The following SLC20A2 variants were observed in gnomAD, a reference collection of about 807,000 sequenced individuals.
The protein encoded by SLC20A2 is sodium-dependent phosphate transporter 2.
SLC20A2 carries 30 observed loss-of-function variants against 61.0 expected under a neutral mutation model. That is an observed-to-expected ratio of 0.49 (90% CI 0.37 to 0.67). The LOEUF (loss-of-function observed/expected upper bound fraction) is 0.67. Ranked by LOEUF, SLC20A2 falls within the 30% of genes least tolerant of loss-of-function variation. SLC20A2 has a pLI of 0.00. For synonymous variants in SLC20A2, 351 were observed against 353.3 expected, an observed-to-expected ratio of 0.99 and a Z score of 0.07; for missense variants, 626 against 866.4, an observed-to-expected ratio of 0.72 and a Z score of 3.48.
At chr8:42,418,000 G>A in intron 10 of SLC20A2, 33 bp from the exon 11 acceptor site, 1 of 1,602,390 alleles carries the variant, frequency 6.2e-7, no homozygotes. Context: ...GTAAAAACAG[G>A]TGAGCCACAA....
In SLC20A2 at chr8:42,417,549, C is replaced by A. The variant is rs1022301201; in HGVS notation, c.*254G>T. On this transcript the variant is annotated 3_prime_UTR_variant, in exon 11 of 11. Transcript: ENST00000520262. ...CAATAGATATTTAATATATAAGTAA[C>A]TGCACCACATTATATCACCACGATA... 27 of 299,272 alleles carry A rather than the reference C, an allele frequency of 9.0e-5. No homozygotes were observed. Among genetic ancestry groups the A allele is most frequent in the Admixed American group, 5.9e-4 (14 of 23,716 alleles). The allele number at this position is 299,272 out of a possible 1,614,324, so 18.5% of individuals were successfully genotyped here.
At chr8:42,442,692 T>TG (rs1332271706) in intron 6 of SLC20A2, among the ~76,000 whole-genome samples, 3 of 152,234 alleles carry the variant, frequency 2.0e-5, no homozygotes, top group Non-Finnish European at 4.4e-5. Context: ...ACTTTCTACA[T>TG]GAACTTTAAA....
chr8:42,462,622 A>G (rs919032569), intron 4 of SLC20A2, among the ~76,000 whole-genome samples: 5 of 151,276 alleles, frequency 3.3e-5, no homozygotes, highest in African/African-American at 1.2e-4. Flanking sequence ...ACACCTTCAC[A>G]TTTGGGTGAG....
intron 7 of SLC20A2, 124 bp downstream of exon 7, chr8:42,439,326 A>T: frequency 1.1e-6 from 1 of 899,330 alleles, no homozygotes; most frequent in Non-Finnish European, 1.7e-6. Context: ...GTTTTCTCAA[A>T]TTATAAAACT....
chr8:42,451,579 G>A (rs1805657049), intron 5 of SLC20A2, among the ~76,000 whole-genome samples: 1 of 138,816 alleles, frequency 7.2e-6, no homozygotes, highest in East Asian at 2.3e-4. Flanking sequence ...GAGATGAAGA[G>A]GAAGAGGAAG....
At chr8:42,470,990 AGAAAAG>A in intron 2 of SLC20A2, 2 of 340,882 alleles carry the variant, frequency 5.9e-6, no homozygotes, top group Non-Finnish European at 5.7e-6. Context: ...AAAAAAAAAA[AGAAAAG>A]AAAAAATGTA....
chr8:42,438,306 T>G (rs371971884), intron 7 of SLC20A2, among the ~76,000 whole-genome samples: 3 of 152,132 alleles, frequency 2.0e-5, no homozygotes, highest in African/African-American at 7.2e-5. Flanking sequence ...ATATTCCAGG[T>G]GCCTCTGTTT....
chr8:42,522,238 T>C lies in SLC20A2; in HGVS notation c.-265+19583A>G, dbSNP rs1165446574. Among the ~76,000 whole-genome samples, 7 of 121,212 alleles carry C rather than the reference T, an allele frequency of 5.8e-5. 2 individuals carry two copies. In the East Asian group the frequency reaches 1.9e-3, roughly 32 times the overall value. 79.5% of individuals were successfully genotyped at this position (121,212 alleles called of 152,430 possible). A position where few individuals can be genotyped will look rare whatever the true frequency, so the allele number is the denominator to read the frequency against. On this transcript the variant is annotated intron_variant, in intron 1 of 10. Coordinates refer to the SLC20A2 transcript ENST00000342228. ...TCATTTAACTCAACAGACAATCCAA[T>C]GAGGTGGCTGCTGATAAATATCCTT...
intron 1 of SLC20A2, among the ~76,000 whole-genome samples, chr8:42,487,381 GT>G (rs1563514979): frequency 6.6e-6 from 1 of 150,566 alleles, no homozygotes; most frequent in Non-Finnish European, 1.5e-5. Context: ...GTTTCACCGT[GT>G]TAGCCAGGAT....
chr8:42,476,257 C>G (rs1368230320), intron 1 of SLC20A2, among the ~76,000 whole-genome samples: 5 of 151,874 alleles, frequency 3.3e-5, no homozygotes, highest in African/African-American at 7.3e-5. Context: ...CGCCACCACG[C>G]CCGGCTATTT....
At chr8:42,519,358 C>T (rs1319085757) in intron 1 of SLC20A2, among the ~76,000 whole-genome samples, 2 of 151,814 alleles carry the variant, frequency 1.3e-5, no homozygotes, top group East Asian at 1.9e-4. Context: ...GCAGGAGAAT[C>T]GCTTGAACCC....
intron 6 of SLC20A2, among the ~76,000 whole-genome samples, chr8:42,440,750 A>G (rs1586036644): frequency 6.6e-6 from 1 of 152,326 alleles, no homozygotes; most frequent in East Asian, 1.9e-4. Context: ...GTTCCTCTTC[A>G]TTCTTCTAAA....
chr8:42,463,345 C>T (rs970348426), intron 3 of SLC20A2: 1 of 293,600 alleles, frequency 3.4e-6, no homozygotes, highest in African/African-American at 2.2e-5. Context: ...CAAGAAACCC[C>T]TGCCCCAAGC....
In SLC20A2 at chr8:42,476,117, C is replaced by G. The variant is rs1399928129; in HGVS notation, c.-264-3463G>C. ...TTTTTTTTTTTTTTTTTTTTTTTGA[C>G]ACGAAATCTCGCTCTGTCGCCCAGG... On this transcript the variant is annotated intron_variant, in intron 1 of 10. Coordinates refer to ENST00000520262, the MANE Select transcript of SLC20A2 (RefSeq NM_001257180.2). Among the ~76,000 whole-genome samples the G allele has an allele frequency of 4.9e-5, 4 of 82,254 alleles. No individual in the cohort carries two copies. In the Admixed American group the frequency reaches 7.8e-4, roughly 16 times the overall value. The allele number at this position is 82,254 out of a possible 152,430, so 54.0% of individuals were successfully genotyped here.
rs868457884 is a variant in SLC20A2, at chr8:42,422,120, T to G, written c.1795-4153A>C. On this transcript the variant is annotated intron_variant, in intron 10 of 10. Coordinates refer to ENST00000520262, the MANE Select transcript of SLC20A2 (RefSeq NM_001257180.2). Reference sequence around the variant, plus strand: ...CAGGCTGGAGTGCAGTGGCACAATCTCAGCTCACTGCAACCTCCACCTCCT... The same window carrying G: ...CAGGCTGGAGTGCAGTGGCACAATCGCAGCTCACTGCAACCTCCACCTCCT... Among the ~76,000 whole-genome samples, 20 of 152,250 alleles carry G rather than the reference T, an allele frequency of 1.3e-4. No homozygotes were observed. The East Asian group carries it at 1.4e-3, about 10-fold the overall frequency.
chr8:42,455,241 A>T (rs74972165), intron 5 of SLC20A2, among the ~76,000 whole-genome samples: 8,427 of 102,284 alleles, frequency 0.082, 810 homozygotes, highest in African/African-American at 0.25. Flanking sequence ...AAAAAAAAAA[A>T]ATATATATAT....
At chr8:42,535,586 G>A (rs1207382333) in intron 1 of SLC20A2, among the ~76,000 whole-genome samples, 1 of 152,204 alleles carries the variant, frequency 6.6e-6, no homozygotes, top group Non-Finnish European at 1.5e-5. Context: ...ATGAACTACT[G>A]AATTGATGAC....
chr8:42,432,444 G>A (rs1374490341), intron 8 of SLC20A2, among the ~76,000 whole-genome samples: 3 of 152,232 alleles, frequency 2.0e-5, no homozygotes, highest in East Asian at 3.8e-4. Flanking sequence ...TCCTGGTGAA[G>A]ATGTTGTGAA....
In SLC20A2 at chr8:42,487,413, A is replaced by AT. The variant is rs1554566940; in HGVS notation, c.-265+13617dup. On this transcript the variant is annotated intron_variant, in intron 1 of 10. Transcript: ENST00000520262. ...AGGATGGTCTCGATCTCCTGACCTC[A>AT]TGATCCACCTGCCTCGGCCTCCCAA... Among the ~76,000 whole-genome samples the AT allele has an allele frequency of 8.1e-5, 11 of 136,322 alleles. No individual in the cohort carries two copies. In the East Asian group the frequency reaches 1.2e-3, roughly 14 times the overall value. 89.4% of individuals were successfully genotyped at this position (136,322 alleles called of 152,430 possible). A position where few individuals can be genotyped will look rare whatever the true frequency, so the allele number is the denominator to read the frequency against.
Sources: allele counts gnomAD v4.1 joint callset (sites outside exome capture counted in the v4.1 genomes callset), GRCh38; gene constraint gnomAD v4.1.1; transcripts MANE v1.5; gene names NCBI Gene and HGNC (gene_info 2026-07-23, HGNC 2026-07-21).